FAM151B: variants seen among roughly 807,000 people sequenced by gnomAD.
The protein encoded by FAM151B is protein FAM151B.
A neutral mutation model predicts 31.2 loss-of-function variants in FAM151B; 24 were observed. That is an observed-to-expected ratio of 0.77 (90% CI 0.56 to 1.08). The LOEUF (loss-of-function observed/expected upper bound fraction) is 1.08. Ranked by LOEUF, FAM151B falls within the 50% of genes least tolerant of loss-of-function variation. The pLI is 0.00. For synonymous variants in FAM151B, 105 were observed against 111.4 expected (o/e 0.94, Z 0.36); for missense variants, 293 against 328.6 (o/e 0.89, Z 0.84).
Position 80,501,892 on chromosome 5 carries a change from G to A in FAM151B, c.126G>A (p.Lys42=), listed in dbSNP as rs146291904. Residue 42 remains lysine, a synonymous_variant, in exon 2 of 6, where the codon AAG becomes AAA. Transcript: ENST00000282226. ...CCTGGTATCATGCAGCTAACCACAA[G>A]GCACAAACAAATGAGGCACTGAAAA... The part of the protein sequence containing the change: ...EITWYHAANH[K]AQTNEALKST... 12 of 1,601,616 alleles carry A rather than the reference G, an allele frequency of 7.5e-6. No individual in the cohort carries two copies. In the Admixed American group the frequency reaches 1.5e-4, roughly 20 times the overall value.
intron 3 of FAM151B, among the ~76,000 whole-genome samples, chr5:80,518,168 C>G (rs1195825032): frequency 6.6e-6 from 1 of 151,716 alleles, no homozygotes; most frequent in Non-Finnish European, 1.5e-5. Flanking sequence ...ATTGAGAAAG[C>G]CTAAAAGGCT....
At chr5:80,540,362 G>C (rs1005462388) in intron 5 of FAM151B, among the ~76,000 whole-genome samples, 1 of 152,046 alleles carries the variant, frequency 6.6e-6, no homozygotes, top group Non-Finnish European at 1.5e-5. Flanking sequence ...TATTACACTG[G>C]AGTTTACTTT....
In FAM151B at chr5:80,497,931, T is replaced by G. The variant is rs545772113; in HGVS notation, c.26-3861T>G. Among the ~76,000 whole-genome samples, 439 of 152,096 alleles carry G rather than the reference T, an allele frequency of 2.9e-3. 1 individual carries two copies. The highest frequency in any genetic ancestry group is 0.01 in the African/African-American group (422 of 41,468). ...ACGTTGTGCACATGTACCCTAGAAC[T>G]TAAATAAAAAATAAATAAATAAATA... On this transcript the variant is annotated intron_variant, in intron 1 of 5. Coordinates refer to ENST00000282226, the MANE Select transcript of FAM151B (RefSeq NM_205548.3).
At chr5:80,496,367 A>G (rs928492893) in intron 1 of FAM151B, among the ~76,000 whole-genome samples, 7 of 152,254 alleles carry the variant, frequency 4.6e-5, no homozygotes, top group African/African-American at 1.2e-4. Context: ...GCAATAAAGT[A>G]TTTTAAAATT....
intron 5 of FAM151B, among the ~76,000 whole-genome samples, chr5:80,539,018 A>T (rs1745747275): frequency 8.2e-6 from 1 of 122,154 alleles, no homozygotes; most frequent in South Asian, 2.5e-4. Flanking sequence ...TTGACTTAAT[A>T]CATGGTGGAG....
At chr5:80,500,731 A>G in intron 1 of FAM151B, 1 of 886,018 alleles carries the variant, frequency 1.1e-6, no homozygotes. Flanking sequence ...CATGCTGAGG[A>G]TTGTAGAGCC....
At chr5:80,511,629 A>G (rs1180323478) in intron 2 of FAM151B, among the ~76,000 whole-genome samples, 2 of 151,876 alleles carry the variant, frequency 1.3e-5, no homozygotes, top group African/African-American at 4.8e-5. Flanking sequence ...TTTTTGAGAC[A>G]GGAGTCTTGC....
At chr5:80,539,761 G>A (rs1279732125) in intron 5 of FAM151B, among the ~76,000 whole-genome samples, 12 of 151,072 alleles carry the variant, frequency 7.9e-5, no homozygotes, top group African/African-American at 2.9e-4. Context: ...CCAAGTGCTG[G>A]GATTACAGGC....
Position 80,501,829 on chromosome 5 carries a change from A to G in FAM151B, c.63A>G (p.Arg21=). 2.5e-6 allele frequency: 4 copies of G among 1,603,550 alleles called. No individual in the cohort carries two copies. Among genetic ancestry groups the G allele is most frequent in the Non-Finnish European group, 3.4e-6 (4 of 1,173,274 alleles). The change falls in exon 2 of 6, where the codon AGA becomes AGG. Residue 21 remains arginine, a synonymous_variant. Transcript: ENST00000282226. The part of the protein sequence containing the change: ...WSENILEYFL[R]NSQITAEDGA... ...AAAATATACTGGAATATTTTCTGAG[A>G]AATAGCCAGATTACAGCAGAAGACG...
At chr5:80,537,518 C>G (rs188757941) in intron 5 of FAM151B, among the ~76,000 whole-genome samples, 33 of 152,308 alleles carry the variant, frequency 2.2e-4, no homozygotes, top group Non-Finnish European at 3.2e-4. Flanking sequence ...TGGGTTCCCA[C>G]AAAGGTACTT....
At chr5:80,508,349 A>G (rs955176515) in intron 2 of FAM151B, among the ~76,000 whole-genome samples, 6 of 152,176 alleles carry the variant, frequency 3.9e-5, no homozygotes, top group African/African-American at 1.4e-4. Context: ...AGAACTGCCA[A>G]ACTTTTCCAA....
intron 1 of FAM151B, among the ~76,000 whole-genome samples, chr5:80,497,951 TA>T (rs1469346214): frequency 3.3e-5 from 5 of 152,064 alleles, no homozygotes; most frequent in Non-Finnish European, 5.9e-5. Flanking sequence ...AATAAATAAA[TA>T]AATAAAAAGT....
intron 2 of FAM151B, among the ~76,000 whole-genome samples, chr5:80,508,642 C>A (rs1021068293): frequency 6.6e-6 from 1 of 152,116 alleles, no homozygotes. Context: ...GACCTCTTTT[C>A]GTTTTGAACT....
chr5:80,529,634 C>T (rs1354801266), intron 5 of FAM151B, among the ~76,000 whole-genome samples: 1 of 152,120 alleles, frequency 6.6e-6, no homozygotes, highest in Non-Finnish European at 1.5e-5. Flanking sequence ...ACGAGAAAAT[C>T]TAGAAGAAAT....
intron 2 of FAM151B, among the ~76,000 whole-genome samples, chr5:80,503,026 A>T (rs1743807751): frequency 6.6e-6 from 1 of 152,150 alleles, no homozygotes; most frequent in East Asian, 1.9e-4. Flanking sequence ...TGGATGATGA[A>T]ATTTTTCTAG....
chr5:80,534,028 G>C (rs1268615231), intron 5 of FAM151B, among the ~76,000 whole-genome samples: 1 of 152,008 alleles, frequency 6.6e-6, no homozygotes, highest in Non-Finnish European at 1.5e-5. Flanking sequence ...CAAATCCCTA[G>C]AGTCATACAA....
At chr5:80,530,079 A>G (rs1745163990) in intron 5 of FAM151B, among the ~76,000 whole-genome samples, 1 of 150,740 alleles carries the variant, frequency 6.6e-6, no homozygotes, top group African/African-American at 2.5e-5. Context: ...GGCTGGTTCA[A>G]CATATACAAA....
At chr5:80,526,599 G>A (rs951079747) in intron 5 of FAM151B, among the ~76,000 whole-genome samples, 2 of 151,934 alleles carry the variant, frequency 1.3e-5, no homozygotes, top group Non-Finnish European at 1.5e-5. Context: ...CAGCCTGTGC[G>A]GCTGAACAAG....
chr5:80,507,173 T>C (rs1412121514), intron 2 of FAM151B, among the ~76,000 whole-genome samples: 1 of 151,374 alleles, frequency 6.6e-6, no homozygotes, highest in East Asian at 1.9e-4. Context: ...TCTCTTCCAC[T>C]GGGAAGCAGC....
Sources: gnomAD v4.1 joint callset for allele counts (sites outside exome capture counted in the v4.1 genomes callset) on GRCh38, gnomAD v4.1.1 for gene constraint, MANE v1.5 for transcripts, NCBI Gene and HGNC (gene_info 2026-07-23, HGNC 2026-07-21) for gene names.